The following KIAA0232 variants were observed in gnomAD, a reference collection of about 807,000 sequenced individuals.
KIAA0232 encodes uncharacterized protein KIAA0232.
A neutral mutation model predicts 122.0 loss-of-function variants in KIAA0232; 27 were observed. The ratio of observed to expected loss-of-function variants is 0.22; its 90% CI spans 0.16 to 0.31. The LOEUF is 0.31. Among genes scored for constraint, KIAA0232 ranks in the 10% least tolerant of loss-of-function variants. The pLI, the probability that KIAA0232 is intolerant of heterozygous loss-of-function variation, is 1.00. For synonymous variants in KIAA0232, 613 were observed against 587.6 expected, an observed-to-expected ratio of 1.04 and a Z score of -0.63; for missense variants, 1,551 against 1,634.2, an observed-to-expected ratio of 0.95 and a Z score of 0.88.
At chr4:6,812,804 G>A (rs1288169531) in intron 2 of KIAA0232, among the ~76,000 whole-genome samples, 1 of 151,948 alleles carries the variant, frequency 6.6e-6, no homozygotes, top group African/African-American at 2.4e-5. Context: ...TTACTGTCTG[G>A]TGCTCTTTTT....
chr4:6,875,413 C>G (rs1201596610), intron 8 of KIAA0232, among the ~76,000 whole-genome samples: 1 of 152,240 alleles, frequency 6.6e-6, no homozygotes, highest in East Asian at 1.9e-4. Flanking sequence ...ATCCCAGAGC[C>G]TGGGGTATTC....
intron 7 of KIAA0232, chr4:6,866,175 A>G (rs1053807139): frequency 1.0e-6 from 1 of 958,342 alleles, no homozygotes; most frequent in African/African-American, 1.8e-5. Flanking sequence ...TGTACTTTGT[A>G]TTTCACCTGG....
intron 1 of KIAA0232, among the ~76,000 whole-genome samples, chr4:6,793,814 G>A (rs1485008102): frequency 6.6e-6 from 1 of 152,194 alleles, no homozygotes; most frequent in Non-Finnish European, 1.5e-5. Context: ...AACTCTGAGA[G>A]AGATGGGATG....
At chr4:6,846,535 C>T (rs879410693) in intron 4 of KIAA0232, among the ~76,000 whole-genome samples, 4 of 151,952 alleles carry the variant, frequency 2.6e-5, no homozygotes, top group Non-Finnish European at 4.4e-5. Flanking sequence ...GAAGTTTCAT[C>T]CCGAACCCCA....
intron 1 of KIAA0232, among the ~76,000 whole-genome samples, chr4:6,788,375 T>C (rs761341939): frequency 6.6e-6 from 1 of 152,216 alleles, no homozygotes; most frequent in Non-Finnish European, 1.5e-5. Flanking sequence ...CTTCCGTTAT[T>C]GGCAGACTAC....
chr4:6,845,858 C>G (rs1719932517), intron 4 of KIAA0232, among the ~76,000 whole-genome samples: 1 of 152,104 alleles, frequency 6.6e-6, no homozygotes, highest in Admixed American at 6.5e-5. Context: ...AGACCCTTCT[C>G]CTGTAGCTTG....
At chr4:6,789,534 A>T (rs1403847333) in intron 1 of KIAA0232, among the ~76,000 whole-genome samples, 2 of 152,026 alleles carry the variant, frequency 1.3e-5, no homozygotes, top group African/African-American at 4.8e-5. Context: ...GGCCTCCCAA[A>T]GTGCTGGGAT....
At chr4:6,801,627 C>T (rs936133323) in intron 1 of KIAA0232, among the ~76,000 whole-genome samples, 4 of 150,582 alleles carry the variant, frequency 2.7e-5, no homozygotes, top group Non-Finnish European at 4.4e-5. Flanking sequence ...CAAGCTGCAG[C>T]GAACTATGAT....
Position 6,846,018 on chromosome 4 carries a change from T to C in KIAA0232, c.369+3814T>C, listed in dbSNP as rs562809829. Among the ~76,000 whole-genome samples, 12 of 152,098 alleles carry C rather than the reference T, an allele frequency of 7.9e-5. 1 individual carries two copies. Among genetic ancestry groups the C allele is most frequent in the Admixed American group, 2.0e-4 (3 of 15,272 alleles). On this transcript the variant is annotated intron_variant, in intron 4 of 9. Coordinates refer to ENST00000307659, the MANE Select transcript of KIAA0232 (RefSeq NM_014743.3). ...CTTTGGGAAAATGCTTTCCTTTGCTTGGCTGTCATAGGCAGGATTTTTATT... is the reference window on the plus strand; with the variant it reads ...CTTTGGGAAAATGCTTTCCTTTGCTCGGCTGTCATAGGCAGGATTTTTATT...
At chr4:6,845,909 T>C (rs946727646) in intron 4 of KIAA0232, among the ~76,000 whole-genome samples, 1 of 152,140 alleles carries the variant, frequency 6.6e-6, no homozygotes, top group Non-Finnish European at 1.5e-5. Context: ...GTATGTCGTG[T>C]GATGTGAAGA....
At chr4:6,853,349 A>C (rs1045196930) in intron 4 of KIAA0232, among the ~76,000 whole-genome samples, 8 of 152,250 alleles carry the variant, frequency 5.3e-5, no homozygotes, top group Non-Finnish European at 8.8e-5. Flanking sequence ...AATGGTAAAC[A>C]GGTGACAAAA....
In KIAA0232 at chr4:6,824,670, G is replaced by A. The variant is rs749736948; in HGVS notation, c.217G>A (p.Asp73Asn). The A allele has an allele frequency of 1.2e-6, 2 of 1,613,720 alleles. No individual in the cohort carries two copies. Among genetic ancestry groups the A allele is most frequent in the South Asian group, 1.1e-5 (1 of 91,072 alleles). ...SLLLHDSYDY[D>N]LQEQENDIFL... is the part of the protein sequence containing the mutation. Reference sequence around the variant, plus strand: ...TCTGCTGCATGACAGCTATGACTACGACCTGCAGGAACAGGTATTTACATA... The same window carrying A: ...TCTGCTGCATGACAGCTATGACTACAACCTGCAGGAACAGGTATTTACATA... The change falls in exon 3 of 10, where the codon GAC (aspartate) becomes AAC (asparagine). Residue 73 changes from aspartate (D) to asparagine (N), a missense_variant. Transcript: ENST00000307659.
At chr4:6,783,161 A>T (rs1328951853) in intron 1 of KIAA0232, among the ~76,000 whole-genome samples, 2 of 149,746 alleles carry the variant, frequency 1.3e-5, no homozygotes, top group Non-Finnish European at 3.0e-5. Flanking sequence ...AGCCTAAGGG[A>T]GACCGGGCCG....
chr4:6,873,885 A>G (rs1316242480), intron 8 of KIAA0232, among the ~76,000 whole-genome samples: 2 of 152,154 alleles, frequency 1.3e-5, no homozygotes, highest in Non-Finnish European at 2.9e-5. Flanking sequence ...TTAGTCTCAG[A>G]AGGATAGCCA....
At position 6,863,346 on chromosome 4, in the gene KIAA0232, G is replaced by A. The variant is rs760138010; in HGVS notation, c.2964G>A (p.Gln988=). Residue 988 remains glutamine (Q), a synonymous_variant, in exon 7 of 10, where the codon CAG becomes CAA. Transcript: ENST00000307659. ...ACAGTTTTGCTCCTGGGCACAGGCA[G>A]TTATGGAAACCCTTCGTGTCATTTG... ...PGNSFAPGHR[Q]LWKPFVSFEQ... is the part of the protein sequence containing the mutation. 1.2e-6 allele frequency: 2 copies of A among 1,614,184 alleles called. No homozygotes were observed. Among genetic ancestry groups the A allele is most frequent in the East Asian group, 2.2e-5 (1 of 44,872 alleles).
chr4:6,880,719 A>G (rs756916005), intron 9 of KIAA0232, 68 bp from the exon 10 acceptor site: 90 of 1,044,412 alleles, frequency 8.6e-5, no homozygotes, highest in Non-Finnish European at 9.7e-5. Flanking sequence ...TTGTATATAG[A>G]TAGAGTATCT....
Position 6,871,593 on chromosome 4 carries a change from A to G in KIAA0232, c.3821A>G (p.Asp1274Gly), listed in dbSNP as rs751088191. ...QLEEFPVLNT[D>G]IQGMNRSQEK... ...AAACAGTTCCCTGTATTGAACACTG[A>G]TATACAAGGAATGAATAGAAGTCAA... Residue 1274 changes from aspartate to glycine, a missense_variant, in exon 8 of 10, where the codon GAT (aspartate) becomes GGT (glycine). Physicochemically the swap from Asp to Gly is moderately conservative, Grantham distance 94 (BLOSUM62 -1). Coordinates refer to ENST00000307659, the MANE Select transcript of KIAA0232 (RefSeq NM_014743.3). 5.0e-6 allele frequency: 8 copies of G among 1,604,220 alleles called. No individual in the cohort carries two copies. The South Asian group carries it at 8.8e-5, about 18-fold the overall frequency.
intron 3 of KIAA0232, among the ~76,000 whole-genome samples, chr4:6,841,008 T>A (rs1719628810): frequency 1.3e-5 from 2 of 152,202 alleles, no homozygotes; most frequent in African/African-American, 4.8e-5. Context: ...GAGGGACCTC[T>A]CAAATACAAG....
chr4:6,868,518 G>A (rs2108820237), intron 7 of KIAA0232, among the ~76,000 whole-genome samples: 1 of 152,308 alleles, frequency 6.6e-6, no homozygotes, highest in East Asian at 1.9e-4. Context: ...GTGAGAGCAG[G>A]CTTCCTCGCC....
Sources: gnomAD v4.1 joint callset for allele counts (sites outside exome capture counted in the v4.1 genomes callset) on GRCh38, gnomAD v4.1.1 for gene constraint, MANE v1.5 for transcripts, NCBI Gene and HGNC (gene_info 2026-07-23, HGNC 2026-07-21) for gene names.